TIAM1: variants seen among roughly 807,000 people sequenced by gnomAD.
TIAM1 encodes the protein TIAM Rac1 associated GEF 1.
TIAM1 carries 65 observed loss-of-function variants against 163.5 expected under a neutral mutation model. The observed-to-expected ratio is 0.40, with a 90% CI of 0.33 to 0.49. The LOEUF is 0.49. Among genes scored for constraint, TIAM1 ranks in the 20% least tolerant of loss-of-function variants. TIAM1 has a pLI of 0.77. For synonymous variants in TIAM1, 833 were observed against 810.1 expected (o/e 1.03, Z -0.48); for missense variants, 1,789 against 2,044.7 (o/e 0.87, Z 2.41).
At chr21:31,327,632 C>T (rs983567806) in intron 2 of TIAM1, among the ~76,000 whole-genome samples, 6 of 104,248 alleles carry the variant, frequency 5.8e-5, no homozygotes, top group East Asian at 4.9e-4. Flanking sequence ...CAGAGTGAAA[C>T]GCCGCCATCT....
At chr21:31,527,345 G>T (rs2147508721) in intron 1 of TIAM1, among the ~76,000 whole-genome samples, 1 of 152,224 alleles carries the variant, frequency 6.6e-6, no homozygotes, top group Middle Eastern at 3.4e-3. Flanking sequence ...TCTTAGAGGA[G>T]GCCCAGAGAC....
intron 2 of TIAM1, among the ~76,000 whole-genome samples, chr21:31,305,955 G>C (rs2074694490): frequency 6.6e-6 from 1 of 152,180 alleles, no homozygotes; most frequent in Non-Finnish European, 1.5e-5. Context: ...TCCCCCAGGG[G>C]AGGAACCGCC....
intron 8 of TIAM1, among the ~76,000 whole-genome samples, chr21:31,219,029 T>C (rs2087392216): frequency 7.8e-6 from 1 of 127,514 alleles, no homozygotes; most frequent in Non-Finnish European, 1.6e-5. Context: ...ATTTCCTTTT[T>C]TTTTTTTTTT....
At chr21:31,436,626 C>T (rs1162710584) in intron 2 of TIAM1, among the ~76,000 whole-genome samples, 1 of 151,676 alleles carries the variant, frequency 6.6e-6, no homozygotes, top group South Asian at 2.1e-4. Flanking sequence ...GAGCGAGACT[C>T]GGTCTCAAAT....
intron 2 of TIAM1, among the ~76,000 whole-genome samples, chr21:31,307,949 T>G (rs756696190): frequency 6.6e-6 from 1 of 152,100 alleles, no homozygotes; most frequent in Non-Finnish European, 1.5e-5. Flanking sequence ...TACTATACAA[T>G]GGGCTGGGTG....
intron 2 of TIAM1, among the ~76,000 whole-genome samples, chr21:31,433,022 T>C (rs1021104016): frequency 2.0e-5 from 3 of 152,200 alleles, no homozygotes; most frequent in Non-Finnish European, 4.4e-5. Flanking sequence ...CAAATTTAAA[T>C]GTATGTGGGT....
chr21:31,334,279 A>G (rs1054671049), intron 2 of TIAM1, among the ~76,000 whole-genome samples: 2 of 116,960 alleles, frequency 1.7e-5, no homozygotes, highest in Admixed American at 9.7e-5. Context: ...TATTATCCCC[A>G]CCTCCCCGCC....
intron 6 of TIAM1, among the ~76,000 whole-genome samples, chr21:31,234,347 G>GAGGAAA (rs1177984297): frequency 7.1e-6 from 1 of 141,646 alleles, no homozygotes. Flanking sequence ...AAGGAGGAAG[G>GAGGAAA]GAGAGAGGAG....
chr21:31,474,133 C>T (rs996794699), intron 1 of TIAM1, among the ~76,000 whole-genome samples: 1 of 152,202 alleles, frequency 6.6e-6, no homozygotes, highest in East Asian at 1.9e-4. Flanking sequence ...TGAGAGCTCA[C>T]TCATCACCAT....
At chr21:31,251,621 T>C in intron 5 of TIAM1, 121 bp downstream of exon 5, 1 of 1,027,180 alleles carries the variant, frequency 9.7e-7, no homozygotes, top group Non-Finnish European at 1.4e-6. Flanking sequence ...TTTAAATTAG[T>C]ATGATTTTCA....
chr21:31,140,060 TATGA>T (rs1249141762), intron 22 of TIAM1, among the ~76,000 whole-genome samples: 2 of 152,226 alleles, frequency 1.3e-5, no homozygotes, highest in African/African-American at 4.8e-5. Context: ...CTTCACATCT[TATGA>T]GTAAAATAAA....
intron 1 of TIAM1, among the ~76,000 whole-genome samples, chr21:31,465,848 G>A (rs1030483887): frequency 2.0e-5 from 3 of 152,056 alleles, no homozygotes; most frequent in East Asian, 1.9e-4. Context: ...TGGGTTTACC[G>A]GCGTGAGCCA....
chr21:31,211,266 A>G (rs1454129892), intron 10 of TIAM1, among the ~76,000 whole-genome samples: 1 of 152,170 alleles, frequency 6.6e-6, no homozygotes, highest in Non-Finnish European at 1.5e-5. Context: ...AAGCAGATGA[A>G]GCAGAGGATG....
At chr21:31,234,726 C>T (rs1373297830) in intron 6 of TIAM1, among the ~76,000 whole-genome samples, 1 of 151,978 alleles carries the variant, frequency 6.6e-6, no homozygotes, top group African/African-American at 2.4e-5. Context: ...AGGCTGCAAT[C>T]AGCCATGATT....
intron 2 of TIAM1, among the ~76,000 whole-genome samples, chr21:31,337,500 T>TTTATTATTATTGTTG (rs1555946448): frequency 2.4e-5 from 3 of 124,932 alleles, no homozygotes; most frequent in South Asian, 2.8e-4. Context: ...AATTGTTGTT[T>TTTATTATTATTGTTG]TTATTATTAT....
chr21:31,196,307 T>C (rs990925171), intron 12 of TIAM1, among the ~76,000 whole-genome samples: 1 of 149,864 alleles, frequency 6.7e-6, no homozygotes, highest in Non-Finnish European at 1.5e-5. Flanking sequence ...GCTTTTCTTT[T>C]CTTTTTTCTT....
intron 2 of TIAM1, among the ~76,000 whole-genome samples, chr21:31,426,331 C>T (rs932866925): frequency 6.6e-6 from 1 of 152,176 alleles, no homozygotes; most frequent in Admixed American, 6.6e-5. Flanking sequence ...CTTGGGGCTC[C>T]ATGGGATCAT....
intron 2 of TIAM1, among the ~76,000 whole-genome samples, chr21:31,407,568 G>A (rs2077267876): frequency 1.3e-5 from 2 of 151,800 alleles, no homozygotes; most frequent in South Asian, 2.1e-4. Flanking sequence ...TCGGGAGCAG[G>A]CTCCAGTTCT....
At chr21:31,463,626 T>G (rs575198012) in intron 2 of TIAM1, among the ~76,000 whole-genome samples, 78 of 152,200 alleles carry the variant, frequency 5.1e-4, no homozygotes, top group African/African-American at 1.9e-3. Flanking sequence ...GAGACCAGCC[T>G]GGCCAACATG....
Sources: allele counts gnomAD v4.1 joint callset (sites outside exome capture counted in the v4.1 genomes callset), GRCh38; gene constraint gnomAD v4.1.1; transcripts MANE v1.5; gene names NCBI Gene and HGNC (gene_info 2026-07-23, HGNC 2026-07-21).